ADISSP: variants seen among roughly 807,000 people sequenced by gnomAD.
The protein encoded by ADISSP is adipose-secreted signaling protein.
chr20:3,754,348 C>A, the ADISSP span: 5 of 1,598,260 alleles, frequency 3.1e-6, no homozygotes, highest in South Asian at 5.5e-5. Flanking sequence ...GAAACCCTCG[C>A]AGTCGAGCTT....
chr20:3,760,112 C>G, the ADISSP span: 1 of 1,607,990 alleles, frequency 6.2e-7, no homozygotes, highest in Admixed American at 1.7e-5. Context: ...GACGCCCTCC[C>G]TGCCACGCAG....
At chr20:3,758,542 C>G in the ADISSP span, 2 of 1,613,514 alleles carry the variant, frequency 1.2e-6, no homozygotes, top group African/African-American at 1.3e-5. This position sits in a 1 kb window ranked among gnomAD's most constrained non-coding sequence, Gnocchi z 5.5. Context: ...GTACCTTGAC[C>G]AGAAAGCTGC....
the ADISSP span, chr20:3,754,386 C>CCA: frequency 6.2e-7 from 1 of 1,604,732 alleles, no homozygotes; most frequent in Non-Finnish European, 8.5e-7. Flanking sequence ...CCAGGAGCCT[C>CCA]ACGCTCTCAC....
chr20:3,766,060 G>C, the ADISSP span, among the ~76,000 whole-genome samples: 2 of 152,138 alleles, frequency 1.3e-5, no homozygotes, highest in African/African-American at 2.4e-5. Context: ...ATTGTGGTTC[G>C]AGGTCTTTCT....
chr20:3,759,173 G>A, the ADISSP span, among the ~76,000 whole-genome samples: 1 of 152,168 alleles, frequency 6.6e-6, no homozygotes, highest in Admixed American at 6.5e-5. This position sits in a 1 kb window ranked among gnomAD's most constrained non-coding sequence, Gnocchi z 4.6. Context: ...GGCTCTGGGG[G>A]ATCTGCCTGG....
At chr20:3,759,993 G>A in the ADISSP span, 2 of 1,591,912 alleles carry the variant, frequency 1.3e-6, no homozygotes, top group South Asian at 1.1e-5. The surrounding 1 kb of genome is among the most constrained non-coding windows in gnomAD (Gnocchi z 4.6). Flanking sequence ...ACACACAGGT[G>A]GTGCGGGCCC....
chr20:3,754,294 C>T, the ADISSP span: 18 of 1,506,476 alleles, frequency 1.2e-5, no homozygotes, highest in African/African-American at 4.1e-5. Context: ...ACCCCTGAGC[C>T]GGGCAAGGAT....
At chr20:3,764,565 C>T in the ADISSP span, among the ~76,000 whole-genome samples, 3 of 152,254 alleles carry the variant, frequency 2.0e-5, no homozygotes, top group Admixed American at 1.3e-4. Flanking sequence ...AATCCCAGGA[C>T]AGGACTACAG....
the ADISSP span, chr20:3,755,526 C>T: frequency 4.1e-4 from 655 of 1,613,164 alleles, 2 homozygotes; most frequent in Admixed American, 8.0e-4. Flanking sequence ...ACAGGTGCCT[C>T]GCGGACATCC....
chr20:3,767,774 C>G, the ADISSP span: 1 of 151,942 alleles, frequency 6.6e-6, no homozygotes, highest in African/African-American at 2.4e-5. Context: ...CGCGGCCGCC[C>G]TCCCGTCGGC....
the ADISSP span, among the ~76,000 whole-genome samples, chr20:3,754,862 G>A: frequency 2.0e-5 from 3 of 152,208 alleles, no homozygotes; most frequent in African/African-American, 7.2e-5. Flanking sequence ...GATGAGGAGT[G>A]AGGGGGGCAG....
At chr20:3,754,647 G>A in the ADISSP span, 2 of 964,732 alleles carry the variant, frequency 2.1e-6, no homozygotes, top group East Asian at 5.0e-5. Flanking sequence ...AAAGGGGCAG[G>A]GATGGCCCTT....
the ADISSP span, among the ~76,000 whole-genome samples, chr20:3,761,297 C>T: frequency 1.3e-4 from 20 of 151,874 alleles, no homozygotes; most frequent in East Asian, 1.7e-3. Flanking sequence ...TACTCACAGG[C>T]GCCCAAGCGT....
the ADISSP span, among the ~76,000 whole-genome samples, chr20:3,762,639 G>T: frequency 6.6e-6 from 1 of 152,170 alleles, no homozygotes; most frequent in Non-Finnish European, 1.5e-5. Context: ...GACGTGAGCC[G>T]CCAGGCCTGG....
chr20:3,755,851 G>A, the ADISSP span, among the ~76,000 whole-genome samples: 28 of 152,168 alleles, frequency 1.8e-4, no homozygotes, highest in Non-Finnish European at 3.4e-4. Context: ...TCTGTCTCAC[G>A]GGCCCCAAAG....
At chr20:3,768,147 G>C in the ADISSP span, 2 of 152,332 alleles carry the variant, frequency 1.3e-5, no homozygotes, top group African/African-American at 4.8e-5. Context: ...GGCGCGTCTC[G>C]GGGCTGGGTG....
At chr20:3,759,580 G>A in the ADISSP span, among the ~76,000 whole-genome samples, 1 of 152,050 alleles carries the variant, frequency 6.6e-6, no homozygotes, top group Non-Finnish European at 1.5e-5. The surrounding 1 kb of genome is among the most constrained non-coding windows in gnomAD (Gnocchi z 4.6). Context: ...GCTTTGAGCC[G>A]GCCTCTTGGA....
chr20:3,757,072 C>T, the ADISSP span, among the ~76,000 whole-genome samples: 4 of 128,792 alleles, frequency 3.1e-5, no homozygotes, highest in African/African-American at 3.3e-5. Context: ...TGGAATAAGC[C>T]AGGTGTGGTG....
chr20:3,763,264 A>AAAAG, the ADISSP span, among the ~76,000 whole-genome samples: 1 of 148,540 alleles, frequency 6.7e-6, no homozygotes, highest in South Asian at 2.1e-4. Flanking sequence ...TCAAAAAAAA[A>AAAAG]AAAAAAAAAA....
Sources: gnomAD v4.1 joint callset for allele counts (sites outside exome capture counted in the v4.1 genomes callset) on GRCh38, gnomAD v4.1.1 for gene constraint, Gnocchi (gnomAD v3.1) non-coding constraint, MANE v1.5 for transcripts, NCBI Gene and HGNC (gene_info 2026-07-23, HGNC 2026-07-21) for gene names.